The following GCN1 variants were observed in gnomAD, a reference collection of about 807,000 sequenced individuals.
The protein encoded by GCN1 is GCN1 activator of EIF2AK4.
In GCN1, 90 loss-of-function variants were observed where a neutral mutation model predicts 288.4. That is an observed-to-expected ratio of 0.31 (90% confidence interval 0.26 to 0.37). The LOEUF is 0.37. Ranked by LOEUF, GCN1 falls within the 10% of genes least tolerant of loss-of-function variation. The probability of loss-of-function intolerance (pLI) is 1.00; values close to 1 mark genes in which losing one functional copy is unlikely to be tolerated. For synonymous variants in GCN1, 1,386 were observed against 1,420.2 expected (o/e 0.98, Z 0.54); for missense variants, 2,586 against 3,419.9 (o/e 0.76, Z 6.08).
intron 23 of GCN1, 39 bp from the exon 24 acceptor site, chr12:120,160,062 C>T (rs1366366891): frequency 5.0e-6 from 8 of 1,599,910 alleles, no homozygotes; most frequent in Non-Finnish European, 5.1e-6. Flanking sequence ...TCAGCAGGGC[C>T]CTGCTTGTGA....
rs1030883130 is a variant in GCN1 at position 120,172,008 on chromosome 12, T to G, written c.1366+1645A>C. Among the ~76,000 whole-genome samples the G allele has an allele frequency of 1.3e-5, 2 of 152,092 alleles. 1 individual carries two copies. Among genetic ancestry groups the G allele is most frequent in the Admixed American group, 1.3e-4 (2 of 15,254 alleles). On this transcript the variant is annotated intron_variant, in intron 14 of 57. Coordinates refer to ENST00000300648, the MANE Select transcript of GCN1 (RefSeq NM_006836.2). ...ACCTGTGTAGCTGGGACCACAGGCA[T>G]GTACCACCATGCCCAGCTATTTTTT...
chr12:120,130,666 G>C lies in GCN1; in HGVS notation c.7651C>G (p.Leu2551Val), dbSNP rs935050760. ...CTCACCTTAACGAACAGGCTGGAAA[G>C]TTTGGCCGGCAACTGCCCTCCGCCT... is the stretch of plus-strand genomic sequence containing the variant. ...ETGGGQLPAK[L>V]SSLFVKCLQN... is the part of the protein sequence containing the mutation. The change falls in exon 56 of 58, where the codon CTT becomes GTT. Residue 2551 changes from leucine to valine, a missense_variant. This residue lies in a region of GCN1 where 355 missense variants were observed against 431.1 expected (regional missense o/e 0.82). Transcript: ENST00000300648. The C allele has an allele frequency of 1.5e-5, 24 of 1,613,478 alleles. No individual in the cohort carries two copies. The highest frequency in any genetic ancestry group is 2.0e-5 in the Non-Finnish European group (24 of 1,179,428).
Position 120,156,909 on chromosome 12 carries a change from C to CA in GCN1, c.3168+2dup. On this transcript the variant is annotated splice_region_variant and intron_variant, in intron 27 of 57. Transcript: ENST00000300648. The surrounding 1 kb of genome is among the most constrained non-coding windows in gnomAD (Gnocchi z 5.8). ...AGCAACAGCCAACTGAAAACCACAT[C>CA]ACCTGTAAGCGAGGCGAGCCCGTCC... 1 of 1,599,320 alleles carries CA rather than the reference C, an allele frequency of 6.3e-7. No individual in the cohort carries two copies. The highest frequency in any genetic ancestry group is 8.6e-7 in the Non-Finnish European group (1 of 1,166,652).
At position 120,158,126 on chromosome 12, in the gene GCN1, G is replaced by GC; in HGVS notation, c.2906-97_2906-96insG. On this transcript the variant is annotated intron_variant, in intron 25 of 57. Coordinates refer to ENST00000300648, the MANE Select transcript of GCN1 (RefSeq NM_006836.2). The surrounding 1 kb of genome is among the most constrained non-coding windows in gnomAD (Gnocchi z 4.3). ...TCCTCAGGGAAAGTAGGGAACGGAT[G>GC]GACCAGAGGCCCGTTCTGACACCTG... 2 of 1,233,866 alleles carry GC rather than the reference G, an allele frequency of 1.6e-6. No homozygotes were observed. The highest frequency in any genetic ancestry group is 2.3e-6 in the Non-Finnish European group (2 of 870,688). The allele number at this position is 1,233,866 out of a possible 1,614,324, so 76.4% of individuals were successfully genotyped here. A position where few individuals can be genotyped will look rare whatever the true frequency, so the allele number is the denominator to read the frequency against.
chr12:120,177,849 A>C, intron 7 of GCN1, 97 bp from the exon 8 acceptor site: 1 of 871,864 alleles, frequency 1.1e-6, no homozygotes, highest in Non-Finnish European at 1.9e-6. Context: ...CAAAAAATAC[A>C]AATCAATGCC....
chr12:120,136,737 C>CA lies in GCN1; in HGVS notation c.6778-6dup. On this transcript the variant is annotated splice_region_variant and splice_polypyrimidine_tract_variant and intron_variant, in intron 50 of 57. Coordinates refer to ENST00000300648, the MANE Select transcript of GCN1 (RefSeq NM_006836.2). ...TGGAAGGATGGAGGTCACTCCCTGA[C>CA]AAGAGAACCACAACTGAGAGTCAAA... is the stretch of plus-strand genomic sequence containing the variant. The CA allele has an allele frequency of 6.2e-7, 1 of 1,606,404 alleles. No individual in the cohort carries two copies. Among genetic ancestry groups the CA allele is most frequent in the Non-Finnish European group, 8.5e-7 (1 of 1,173,538 alleles).
Position 120,170,179 on chromosome 12 carries a change from G to A in GCN1, c.1509C>T (p.Asp503=). 1 of 1,614,114 alleles carries A rather than the reference G, an allele frequency of 6.2e-7. No homozygotes were observed. The highest frequency in any genetic ancestry group is 8.5e-7 in the Non-Finnish European group (1 of 1,179,940). Residue 503 remains aspartate, a synonymous_variant, in exon 15 of 58, where the codon GAC becomes GAT. Coordinates refer to ENST00000300648, the MANE Select transcript of GCN1 (RefSeq NM_006836.2). ...CCTCTGGACTCATACCAGCCTGTGA[G>A]TCAGCCACTGACAACTTTAAGAGCA... ...ALLLLKLSVA[D]SQAEAKLSSF...
Position 120,155,171 on chromosome 12 carries a change from T to C in GCN1, c.3630+70A>G, listed in dbSNP as rs1011335405. 6 of 1,543,246 alleles carry C rather than the reference T, an allele frequency of 3.9e-6. No individual in the cohort carries two copies. Among genetic ancestry groups the C allele is most frequent in the Non-Finnish European group, 5.4e-6 (6 of 1,116,228 alleles). ...GCCCCGAGATTCCTGTCTGGAGCAG[T>C]AGCGGGGTGAGCAGAGACCCACCCA... On this transcript the variant is annotated intron_variant, in intron 30 of 57. Transcript: ENST00000300648. The surrounding 1 kb of genome is among the most constrained non-coding windows in gnomAD (Gnocchi z 4.9).
In GCN1 at chr12:120,153,505, GGGACAGGCAT is replaced by G; in HGVS notation, c.3868-108_3868-99del. ...GAGGACCAAGACCAAGTCTAGCTCTGGGACAGGCATCCTGACATGCCAGCCAGTGGCTCTT... is the reference window on the plus strand; with the variant it reads ...GAGGACCAAGACCAAGTCTAGCTCTGCCTGACATGCCAGCCAGTGGCTCTT... On this transcript the variant is annotated intron_variant, in intron 32 of 57. Transcript: ENST00000300648. The surrounding 1 kb of genome is among the most constrained non-coding windows in gnomAD (Gnocchi z 4.4). The G allele has an allele frequency of 2.7e-6, 3 of 1,122,982 alleles. No homozygotes were observed. The highest frequency in any genetic ancestry group is 3.8e-6 in the Non-Finnish European group (3 of 785,866). 69.6% of individuals were successfully genotyped at this position (1,122,982 alleles called of 1,614,324 possible).
intron 54 of GCN1, among the ~76,000 whole-genome samples, chr12:120,131,675 G>A (rs1356173869): frequency 6.6e-6 from 1 of 152,228 alleles, no homozygotes; most frequent in African/African-American, 2.4e-5. Context: ...GTGCAGGGGC[G>A]TGATCAAGGC....
intron 57 of GCN1, 139 bp downstream of exon 57, chr12:120,129,137 C>T: frequency 1.3e-6 from 1 of 761,252 alleles, no homozygotes; most frequent in East Asian, 2.5e-5. Flanking sequence ...CCCCAGTCAC[C>T]CAAATCTTAA....
At chr12:120,175,921 C>G in intron 10 of GCN1, 47 bp from the exon 11 acceptor site, 1 of 1,579,486 alleles carries the variant, frequency 6.3e-7, no homozygotes, top group Non-Finnish European at 8.6e-7. Flanking sequence ...AACTGAGCAT[C>G]CAGACTTTCG....
intron 4 of GCN1, 102 bp downstream of exon 4, chr12:120,184,010 C>T (rs1160337258): frequency 8.0e-6 from 9 of 1,129,712 alleles, no homozygotes; most frequent in East Asian, 2.4e-5. Context: ...CTCCACTAAG[C>T]TTGCTATCCT....
In GCN1 at chr12:120,137,401, G is replaced by C; in HGVS notation, c.6664-82C>G. On this transcript the variant is annotated intron_variant, in intron 49 of 57. Transcript: ENST00000300648. The surrounding 1 kb of genome is among the most constrained non-coding windows in gnomAD (Gnocchi z 5.2). The stretch of plus-strand genomic sequence containing the variant: ...AAGAATATATGGGGAAAGCGTGGGC[G>C]GGAGTATAAACAAGACTTGCCACGA... The C allele has an allele frequency of 2.7e-5, 38 of 1,413,520 alleles. No homozygotes were observed. Among genetic ancestry groups the C allele is most frequent in the Non-Finnish European group, 3.8e-5 (38 of 1,001,936 alleles). The allele number at this position is 1,413,520 out of a possible 1,614,324, so 87.6% of individuals were successfully genotyped here.
intron 15 of GCN1, among the ~76,000 whole-genome samples, chr12:120,169,002 TAAAG>T (rs1004254829): frequency 6.6e-6 from 1 of 151,712 alleles, no homozygotes; most frequent in African/African-American, 2.4e-5. Context: ...GGAGATGAAA[TAAAG>T]AAAGCCTGGC....
At chr12:120,160,292 A>C (rs1262303845) in intron 22 of GCN1, 37 bp from the exon 23 acceptor site, 5 of 1,412,488 alleles carry the variant, frequency 3.5e-6, no homozygotes, top group African/African-American at 1.4e-5. Flanking sequence ...TCCCATCTCC[A>C]GGGAACAGAC....
In GCN1 at chr12:120,142,621, C is replaced by A. The variant is rs1474108807; in HGVS notation, c.5715G>T (p.Leu1905=). ...DTQLVVRQAS[L]HVWKIVVSNT... ...TGGAGACAACAATCTTCCAGACATG[C>A]AGGGACGCCTGCCGCACCACCAGCT... is the stretch of plus-strand genomic sequence containing the variant. The change falls in exon 44 of 58, where the codon CTG becomes CTT. Residue 1905 remains leucine (L), a synonymous_variant. Coordinates refer to ENST00000300648, the MANE Select transcript of GCN1 (RefSeq NM_006836.2). This position sits in a 1 kb window ranked among gnomAD's most constrained non-coding sequence, Gnocchi z 4.9. The A allele has an allele frequency of 1.9e-6, 3 of 1,613,874 alleles. No homozygotes were observed. The highest frequency in any genetic ancestry group is 2.7e-5 in the African/African-American group (2 of 74,932).
At chr12:120,146,159 C>T (rs1235769923) in intron 38 of GCN1, among the ~76,000 whole-genome samples, 7 of 149,998 alleles carry the variant, frequency 4.7e-5, no homozygotes, top group East Asian at 2.0e-4. Context: ...CCCAGCTACT[C>T]GGGAGGCTGA....
In GCN1 at chr12:120,130,784, G is replaced by GC. The variant is rs750541838; in HGVS notation, c.7564-32dup. 2.0e-5 allele frequency: 28 copies of GC among 1,422,274 alleles called. 1 individual carries two copies. The highest frequency in any genetic ancestry group is 3.7e-4 in the Middle Eastern group (2 of 5,436). The allele number at this position is 1,422,274 out of a possible 1,614,324, so 88.1% of individuals were successfully genotyped here. A position where few individuals can be genotyped will look rare whatever the true frequency, so the allele number is the denominator to read the frequency against. ...GAGAACAGACAGCGCTAGACGGGAG[G>GC]CCCCCCACCCCTTCCCCAGAGCCAG... On this transcript the variant is annotated intron_variant, in intron 55 of 57. Coordinates refer to ENST00000300648, the MANE Select transcript of GCN1 (RefSeq NM_006836.2).
Sources: gnomAD v4.1 joint callset for allele counts (sites outside exome capture counted in the v4.1 genomes callset) on GRCh38, gnomAD v4.1.1 for gene constraint, gnomAD v4.1.1 regional missense constraint, Gnocchi (gnomAD v3.1) non-coding constraint, MANE v1.5 for transcripts, NCBI Gene and HGNC (gene_info 2026-07-23, HGNC 2026-07-21) for gene names.